OTUD7B: variants seen among roughly 807,000 people sequenced by gnomAD.
OTUD7B encodes the protein OTU domain-containing protein 7B.
Under a neutral mutation model 82.2 loss-of-function variants are expected in OTUD7B, and 34 were observed. The observed-to-expected ratio is 0.41, with a 90% CI of 0.31 to 0.55. The LOEUF (loss-of-function observed/expected upper bound fraction) is 0.55. OTUD7B is among the 20% of genes least tolerant of loss of function. The probability of loss-of-function intolerance (pLI) is 0.20; values close to 1 mark genes in which losing one functional copy is unlikely to be tolerated. For synonymous variants in OTUD7B, 398 were observed against 402.7 expected (o/e 0.99, Z 0.14); for missense variants, 944 against 1,062.1 (o/e 0.89, Z 1.55).
rs892438097 is a variant in OTUD7B at position 149,938,652 on chromosome 1, C to T, written c.*5205G>A. The T allele has an allele frequency of 3.3e-5, 5 of 150,080 alleles. No homozygotes were observed. Among genetic ancestry groups the T allele is most frequent in the Non-Finnish European group, 5.9e-5 (4 of 67,918 alleles). The allele number at this position is 150,080 out of a possible 1,614,324, so 9.3% of individuals were successfully genotyped here. ...GGGGTAGGGGTGTGGTGGCTCATGC[C>T]TGTAATCCCAGCACTTTGGAAGGCT... On this transcript the variant is annotated 3_prime_UTR_variant, in exon 12 of 12. Coordinates refer to ENST00000581312, the MANE Select transcript of OTUD7B (RefSeq NM_020205.4).
upstream of OTUD7B, among the ~76,000 whole-genome samples, chr1:150,014,036 GTATATATGTGTGTGTA>G (rs1241682353): frequency 2.1e-4 from 22 of 102,700 alleles, no homozygotes; most frequent in African/African-American, 7.2e-4. Context: ...GTATATATAC[GTATATATGTGTGTGTA>G]TATATATGTG....
At chr1:149,983,840 A>T (rs781830398) in intron 1 of OTUD7B, among the ~76,000 whole-genome samples, 4 of 152,318 alleles carry the variant, frequency 2.6e-5, no homozygotes, top group Admixed American at 6.5e-5. Context: ...GAGAGAATTG[A>T]TTAGAAAATT....
intron 1 of OTUD7B, among the ~76,000 whole-genome samples, chr1:149,983,135 G>A (rs1326554232): frequency 6.6e-6 from 1 of 152,136 alleles, no homozygotes; most frequent in Non-Finnish European, 1.5e-5. Flanking sequence ...GATTACAGGC[G>A]TGAGCCACTG....
Position 149,989,366 on chromosome 1 carries a change from G to A in OTUD7B, c.-66-11790C>T, listed in dbSNP as rs190464348. ...TGGGCACCTGTAATCCCAGCTACTCGGGAGGCTGAGGCAGGAGAATTGCTT... is the reference window on the plus strand; with the variant it reads ...TGGGCACCTGTAATCCCAGCTACTCAGGAGGCTGAGGCAGGAGAATTGCTT... On this transcript the variant is annotated intron_variant, in intron 1 of 11. Coordinates refer to ENST00000581312, the MANE Select transcript of OTUD7B (RefSeq NM_020205.4). Among the ~76,000 whole-genome samples, 35 of 151,590 alleles carry A rather than the reference G, an allele frequency of 2.3e-4. 1 individual carries two copies. In the East Asian group the frequency reaches 6.0e-3, roughly 26 times the overall value.
At chr1:150,045,828 T>C in the OTUD7B span, among the ~76,000 whole-genome samples, 8 of 152,286 alleles carry the variant, frequency 5.3e-5, no homozygotes, top group Admixed American at 2.0e-4. Flanking sequence ...TTACAGCACA[T>C]CCTCATATGA....
the OTUD7B span, among the ~76,000 whole-genome samples, chr1:150,037,238 C>T: frequency 2.3e-5 from 2 of 86,674 alleles, no homozygotes; most frequent in Non-Finnish European, 4.4e-5. Context: ...AGAAGCCGCA[C>T]AAAATACCCT....
At chr1:149,995,142 G>C (rs1448383318) in intron 1 of OTUD7B, among the ~76,000 whole-genome samples, 1 of 152,130 alleles carries the variant, frequency 6.6e-6, no homozygotes, top group African/African-American at 2.4e-5. Flanking sequence ...AACGTTTATT[G>C]TGCACCTAAT....
At position 149,947,253 on chromosome 1, in the gene OTUD7B, GTGCA is replaced by G. The variant is rs1647826460; in HGVS notation, c.1317_1320del (p.Ala440ArgfsTer84). 1 of 1,579,484 alleles carries G rather than the reference GTGCA, an allele frequency of 6.3e-7. No homozygotes were observed. The highest frequency in any genetic ancestry group is 8.7e-7 in the Non-Finnish European group (1 of 1,148,680). On this transcript the variant is annotated frameshift_variant, in exon 11 of 12. Transcript: ENST00000581312. LOFTEE classifies it high-confidence loss of function. Reference sequence around the variant, plus strand: ...GTAGATGTGGGAGAAGTCTTCACCTGTGCATCAGAGGACAGTGGGATCCACTTCA... The same window carrying G: ...GTAGATGTGGGAGAAGTCTTCACCTGTCAGAGGACAGTGGGATCCACTTCA...
rs587707136 is a variant in OTUD7B, at chr1:149,943,268, C to G, written c.*589G>C. On this transcript the variant is annotated 3_prime_UTR_variant, in exon 12 of 12. Transcript: ENST00000581312. ...TCCCATCTAAACAAACGGATTTAAA[C>G]TACCCCCACCTCCTAACAGGCACCC... 4 of 152,826 alleles carry G rather than the reference C, an allele frequency of 2.6e-5. No homozygotes were observed. Among genetic ancestry groups the G allele is most frequent in the Admixed American group, 6.5e-5 (1 of 15,298 alleles). The allele number at this position is 152,826 out of a possible 1,614,324, so 9.5% of individuals were successfully genotyped here. A position where few individuals can be genotyped will look rare whatever the true frequency, so the allele number is the denominator to read the frequency against.
At chr1:150,003,555 T>C (rs1652448778) in intron 1 of OTUD7B, among the ~76,000 whole-genome samples, 2 of 152,198 alleles carry the variant, frequency 1.3e-5, no homozygotes, top group African/African-American at 4.8e-5. Context: ...CTCTCCCTGC[T>C]GCATACTTCT....
At chr1:149,977,360 A>G in intron 2 of OTUD7B, 66 bp downstream of exon 2, 6 of 1,185,448 alleles carry the variant, frequency 5.1e-6, no homozygotes, top group East Asian at 2.3e-5. Flanking sequence ...AAATGGTCCA[A>G]ATCATCCTAA....
chr1:150,036,449 G>A, the OTUD7B span, among the ~76,000 whole-genome samples: 1 of 151,814 alleles, frequency 6.6e-6, no homozygotes, highest in African/African-American at 2.4e-5. Flanking sequence ...TGGTAGAGAT[G>A]GGGTTTTGTC....
rs781882137 is a variant in OTUD7B, at chr1:149,967,354, G to A, written c.442C>T (p.Arg148Cys). 23 of 1,614,054 alleles carry A rather than the reference G, an allele frequency of 1.4e-5. No homozygotes were observed. In the East Asian group the frequency reaches 1.6e-4, roughly 11 times the overall value. ...ATGAGGTCTCTCTCTATGAAGCTGC[G>A]GAAGTCTTCATTGTATACAGTGAGA... ...PDLTVYNEDF[R>C]SFIERDLIEQ... The change falls in exon 4 of 12, where the codon CGC (arginine) becomes TGC (cysteine). Residue 148 changes from arginine to cysteine, a missense_variant. This residue lies in a region of OTUD7B where 530 missense variants were observed against 625.6 expected (regional missense o/e 0.85). Coordinates refer to ENST00000581312, the MANE Select transcript of OTUD7B (RefSeq NM_020205.4).
At chr1:149,970,938 G>C (rs1158255279) in intron 3 of OTUD7B, 125 bp downstream of exon 3, 3 of 839,134 alleles carry the variant, frequency 3.6e-6, no homozygotes, top group Middle Eastern at 3.9e-4. Flanking sequence ...ACCTCAGTCT[G>C]GGTTTGGCTG....
the OTUD7B span, chr1:150,067,478 C>A: frequency 8.1e-5 from 18 of 221,756 alleles, no homozygotes; most frequent in East Asian, 1.3e-3. Flanking sequence ...TGCTTCCAAG[C>A]AAACCTTGTG....
At chr1:150,014,046 G>T (rs1553787993), upstream of OTUD7B, among the ~76,000 whole-genome samples, 1 of 110,638 alleles carries the variant, frequency 9.0e-6, no homozygotes, top group Non-Finnish European at 1.8e-5. Flanking sequence ...GTATATATGT[G>T]TGTGTATATA....
the OTUD7B span, among the ~76,000 whole-genome samples, chr1:150,033,042 C>T: frequency 1.2e-4 from 18 of 152,182 alleles, 1 homozygote; most frequent in South Asian, 3.7e-3. Context: ...ACTCAGTTTC[C>T]ATTGTTAGAC....
chr1:150,006,445 T>C (rs1553786119), intron 1 of OTUD7B, among the ~76,000 whole-genome samples: 1 of 152,142 alleles, frequency 6.6e-6, no homozygotes, highest in African/African-American at 2.4e-5. Flanking sequence ...AGCAAAGTTG[T>C]CATTTTTCCT....
upstream of OTUD7B, among the ~76,000 whole-genome samples, chr1:150,014,106 A>ATATATATATATAT (rs1559875221): frequency 8.6e-6 from 1 of 116,206 alleles, no homozygotes; most frequent in African/African-American, 3.3e-5. Context: ...ATATATATAT[A>ATATATATATATAT]GTAGGGGCTC....
Sources: gnomAD v4.1 joint callset for allele counts (sites outside exome capture counted in the v4.1 genomes callset) on GRCh38, gnomAD v4.1.1 for gene constraint, gnomAD v4.1.1 regional missense constraint, MANE v1.5 for transcripts, NCBI Gene and HGNC (gene_info 2026-07-23, HGNC 2026-07-21) for gene names.